SLC14A2: variants seen among roughly 807,000 people sequenced by gnomAD.
SLC14A2 encodes solute carrier family 14 member 2.
SLC14A2 carries 91 observed loss-of-function variants against 104.6 expected under a neutral mutation model. The ratio of observed to expected loss-of-function variants is 0.87; its 90% CI spans 0.73 to 1.04. SLC14A2 has a LOEUF of 1.04. SLC14A2 is among the 50% of genes least tolerant of loss of function. The pLI is 0.00. For synonymous variants in SLC14A2, 476 were observed against 466.4 expected (o/e 1.02, Z -0.27); for missense variants, 1,189 against 1,156.0 (o/e 1.03, Z -0.41).
At chr18:45,209,968 T>A (rs2083948528), upstream of SLC14A2, among the ~76,000 whole-genome samples, 1 of 152,192 alleles carries the variant, frequency 6.6e-6, no homozygotes, top group Non-Finnish European at 1.5e-5. Flanking sequence ...ATTATGTCAG[T>A]ATGAATGCCC....
rs114283967 is a variant in SLC14A2 at position 45,248,476 on chromosome 18, C to T, written c.-125+35285C>T. The stretch of plus-strand genomic sequence containing the variant: ...ACAGGAGGACTTGGCCTGTTCCCCC[C>T]GAGATCTCAGCCCTCATAAGACCCC... On this transcript the variant is annotated intron_variant, in intron 1 of 20. Coordinates refer to the SLC14A2 transcript ENST00000586448. 1.2e-3 allele frequency among the ~76,000 whole-genome samples: 175 copies of T among 152,134 alleles called. 2 individuals are homozygous for T. Among genetic ancestry groups the T allele is most frequent in the African/African-American group, 3.9e-3 (160 of 41,504 alleles).
the SLC14A2 span, among the ~76,000 whole-genome samples, chr18:45,204,211 C>G: frequency 6.6e-6 from 1 of 152,154 alleles, no homozygotes; most frequent in Admixed American, 6.6e-5. Flanking sequence ...TTATTTGGGA[C>G]AGATGAAAAT....
intron 1 of SLC14A2, among the ~76,000 whole-genome samples, chr18:45,220,398 T>G (rs936160813): frequency 1.3e-5 from 2 of 152,208 alleles, no homozygotes; most frequent in African/African-American, 4.8e-5. Context: ...GTTTTGTCAT[T>G]ACTTAGTCCT....
At chr18:45,457,408 T>C (rs1001731307) in intron 1 of SLC14A2, among the ~76,000 whole-genome samples, 1 of 152,132 alleles carries the variant, frequency 6.6e-6, no homozygotes, top group East Asian at 1.9e-4. Context: ...ACTGCATATA[T>C]GTGCAGAGGG....
At chr18:45,636,849 T>A in intron 5 of SLC14A2, 141 bp from the exon 6 acceptor site, 1 of 630,612 alleles carries the variant, frequency 1.6e-6, no homozygotes, top group Non-Finnish European at 2.8e-6. Context: ...TCCCAGATCA[T>A]TGGAACACTG....
chr18:45,174,580 C>G, the SLC14A2 span, among the ~76,000 whole-genome samples: 1 of 152,146 alleles, frequency 6.6e-6, no homozygotes, highest in African/African-American at 2.4e-5. Flanking sequence ...AAATTGTCAT[C>G]CGTCCCTGCT....
upstream of SLC14A2, among the ~76,000 whole-genome samples, chr18:45,614,205 G>A (rs2045022044): frequency 6.6e-6 from 1 of 152,238 alleles, no homozygotes; most frequent in South Asian, 2.1e-4. Flanking sequence ...TCCATGTGGT[G>A]TTGAGCCTGC....
At chr18:45,291,188 GATTA>G (rs2084865819) in intron 1 of SLC14A2, among the ~76,000 whole-genome samples, 2 of 152,096 alleles carry the variant, frequency 1.3e-5, no homozygotes, top group African/African-American at 4.8e-5. Flanking sequence ...AGTCATGTGT[GATTA>G]ATTGTCAAAT....
chr18:45,250,751 C>CTGACTTTTTTTTTTT lies in SLC14A2; in HGVS notation c.-125+37561_-125+37562insGACTTTTTTTTTTTT, dbSNP rs1165070845. On this transcript the variant is annotated intron_variant, in intron 1 of 20. Coordinates refer to the SLC14A2 transcript ENST00000586448. ...AACTGAATCCTCTGGCTAGTGGCTT[C>CTGACTTTTTTTTTTT]TTCCTTTTTTTTTTTTTTTTTTTTT... is the stretch of plus-strand genomic sequence containing the variant. 1.5e-3 allele frequency among the ~76,000 whole-genome samples: 171 copies of CTGACTTTTTTTTTTT among 113,872 alleles called. 7 individuals carry two copies. The highest frequency in any genetic ancestry group is 2.2e-3 in the African/African-American group (55 of 25,524). The allele number at this position is 113,872 out of a possible 152,430, so 74.7% of individuals were successfully genotyped here.
intron 1 of SLC14A2, among the ~76,000 whole-genome samples, chr18:45,444,993 G>T (rs574907767): frequency 6.6e-6 from 1 of 151,620 alleles, no homozygotes; most frequent in South Asian, 2.1e-4. Context: ...TTTGTTAAAT[G>T]AATTAATGAG....
intron 1 of SLC14A2, among the ~76,000 whole-genome samples, chr18:45,241,749 C>G (rs2084320140): frequency 6.8e-6 from 1 of 148,044 alleles, no homozygotes; most frequent in Admixed American, 6.9e-5. Context: ...ATTCAAACGA[C>G]TCTCCTGCCT....
chr18:45,442,476 T>G (rs2086696120), intron 1 of SLC14A2, among the ~76,000 whole-genome samples: 2 of 152,190 alleles, frequency 1.3e-5, no homozygotes, highest in South Asian at 4.1e-4. Flanking sequence ...CTCAGATCTC[T>G]GCCTTCATCC....
chr18:45,298,871 T>C (rs2084941255), intron 1 of SLC14A2, among the ~76,000 whole-genome samples: 1 of 152,160 alleles, frequency 6.6e-6, no homozygotes. Flanking sequence ...ATGACATCTT[T>C]CTCATTCTCA....
chr18:45,334,780 C>T (rs763455087), intron 1 of SLC14A2, among the ~76,000 whole-genome samples: 7 of 152,108 alleles, frequency 4.6e-5, no homozygotes, highest in Non-Finnish European at 1.0e-4. Flanking sequence ...ACAGGTAGCC[C>T]TAGGTGAATG....
At chr18:45,225,260 A>G (rs1389170422) in intron 1 of SLC14A2, among the ~76,000 whole-genome samples, 1 of 152,086 alleles carries the variant, frequency 6.6e-6, no homozygotes, top group Non-Finnish European at 1.5e-5. Flanking sequence ...TCCTTTCCCC[A>G]TTTCTTGTTT....
chr18:45,454,616 A>G (rs1178457808), intron 1 of SLC14A2, among the ~76,000 whole-genome samples: 1 of 152,056 alleles, frequency 6.6e-6, no homozygotes, highest in South Asian at 2.1e-4. Context: ...AGGTTTTCTT[A>G]GAGGATTTTT....
intron 2 of SLC14A2, among the ~76,000 whole-genome samples, chr18:45,605,274 A>G (rs2044850589): frequency 6.6e-6 from 1 of 152,158 alleles, no homozygotes; most frequent in African/African-American, 2.4e-5. Context: ...TATACATAAA[A>G]GTTCTAATAT....
intron 2 of SLC14A2, among the ~76,000 whole-genome samples, chr18:45,544,485 T>C (rs2043937718): frequency 6.6e-6 from 1 of 152,180 alleles, no homozygotes; most frequent in Non-Finnish European, 1.5e-5. Flanking sequence ...ATAGTAATCA[T>C]TCTAAGTTTC....
intron 10 of SLC14A2, among the ~76,000 whole-genome samples, chr18:45,645,897 T>C (rs1444978456): frequency 2.0e-5 from 3 of 152,110 alleles, no homozygotes; most frequent in Admixed American, 2.0e-4. Context: ...GCTTACAAAC[T>C]GGTGGGCGGT....
Sources: gnomAD v4.1 joint callset for allele counts (sites outside exome capture counted in the v4.1 genomes callset) on GRCh38, gnomAD v4.1.1 for gene constraint, MANE v1.5 for transcripts, NCBI Gene and HGNC (gene_info 2026-07-23, HGNC 2026-07-21) for gene names.